GMDS: variants seen among roughly 807,000 people sequenced by gnomAD.
The protein encoded by GMDS is GDP-mannose 4,6-dehydratase.
Under a neutral mutation model 49.9 loss-of-function variants are expected in GMDS, and 20 were observed. That is an observed-to-expected ratio of 0.40 (90% CI 0.28 to 0.58). The LOEUF (loss-of-function observed/expected upper bound fraction) is 0.58, where lower values mean the gene tolerates loss of function less well. Ranked by LOEUF, GMDS falls within the 20% of genes least tolerant of loss-of-function variation. The pLI is 0.42. For synonymous variants in GMDS, 177 were observed against 178.6 expected (o/e 0.99, Z 0.07); for missense variants, 362 against 481.4 (o/e 0.75, Z 2.32).
chr6:2,164,977 G>C (rs1477825006), intron 1 of GMDS, among the ~76,000 whole-genome samples: 2 of 152,166 alleles, frequency 1.3e-5, no homozygotes, highest in African/African-American at 2.4e-5. Flanking sequence ...TGCTTTAAGT[G>C]GTTGGTTAGG....
chr6:1,921,192 C>T (rs1761698008), intron 7 of GMDS, among the ~76,000 whole-genome samples: 1 of 152,216 alleles, frequency 6.6e-6, no homozygotes, highest in Non-Finnish European at 1.5e-5. Context: ...ATCCTCTCTC[C>T]ATACATACCC....
intron 4 of GMDS, among the ~76,000 whole-genome samples, chr6:2,042,776 A>G (rs1276733549): frequency 2.0e-5 from 3 of 152,174 alleles, no homozygotes; most frequent in African/African-American, 4.8e-5. Flanking sequence ...ATGAAACTTA[A>G]TATTTTTTAA....
At chr6:2,228,613 C>G (rs1191350065) in intron 1 of GMDS, among the ~76,000 whole-genome samples, 6 of 152,312 alleles carry the variant, frequency 3.9e-5, no homozygotes, top group South Asian at 2.1e-4. Context: ...CCAAAGAAAA[C>G]TTGGAAATCA....
rs1762770614 is a variant in GMDS at position 1,624,103 on chromosome 6, G to A, written c.*66C>T. 1 of 1,421,336 alleles carries A rather than the reference G, an allele frequency of 7.0e-7. No individual in the cohort carries two copies. The highest frequency in any genetic ancestry group is 9.8e-7 in the Non-Finnish European group (1 of 1,020,020). The allele number at this position is 1,421,336 out of a possible 1,614,324, so 88.0% of individuals were successfully genotyped here. A position where few individuals can be genotyped will look rare whatever the true frequency, so the allele number is the denominator to read the frequency against. On this transcript the variant is annotated 3_prime_UTR_variant, in exon 11 of 11. Coordinates refer to ENST00000380815, the MANE Select transcript of GMDS (RefSeq NM_001500.4). Reference sequence around the variant, plus strand: ...TGGCACGCCGCTCCCCATCCCCGCAGCGCGTCTGCACCGGAGACTCTGCGG... The same window carrying A: ...TGGCACGCCGCTCCCCATCCCCGCAACGCGTCTGCACCGGAGACTCTGCGG...
At chr6:1,674,124 C>A in intron 9 of GMDS, among the ~76,000 whole-genome samples, 1 of 147,346 alleles carries the variant, frequency 6.8e-6, no homozygotes, top group Non-Finnish European at 1.5e-5. Context: ...AGTGTCTAAA[C>A]CTTTTGCATT....
chr6:2,109,616 G>C (rs1365025390), intron 4 of GMDS, among the ~76,000 whole-genome samples: 1 of 152,206 alleles, frequency 6.6e-6, no homozygotes, highest in Non-Finnish European at 1.5e-5. Flanking sequence ...TGTGGACCTG[G>C]ATATGAAGTT....
intron 7 of GMDS, among the ~76,000 whole-genome samples, chr6:1,876,717 T>C (rs1462656219): frequency 2.0e-5 from 3 of 152,240 alleles, no homozygotes; most frequent in Admixed American, 2.0e-4. Context: ...ACAATATAAA[T>C]GCTAGATGTG....
chr6:2,013,395 C>CA (rs1450531170), intron 4 of GMDS, among the ~76,000 whole-genome samples: 3 of 151,046 alleles, frequency 2.0e-5, no homozygotes, highest in South Asian at 2.1e-4. Context: ...CAGCTTTCAA[C>CA]AAAAAAAATG....
chr6:1,767,526 TTC>T (rs1230871629), intron 7 of GMDS, among the ~76,000 whole-genome samples: 1 of 152,244 alleles, frequency 6.6e-6, no homozygotes, highest in Admixed American at 6.5e-5. Flanking sequence ...CCTTGAATTC[TTC>T]TCTGAGCTGC....
At chr6:1,656,436 T>C (rs890937736) in intron 9 of GMDS, among the ~76,000 whole-genome samples, 17 of 152,162 alleles carry the variant, frequency 1.1e-4, no homozygotes, top group African/African-American at 4.1e-4. Flanking sequence ...GTAGGATTGA[T>C]ATGATTGTTG....
At chr6:1,691,339 C>T (rs1298753320) in intron 9 of GMDS, among the ~76,000 whole-genome samples, 1 of 151,584 alleles carries the variant, frequency 6.6e-6, no homozygotes, top group Non-Finnish European at 1.5e-5. Flanking sequence ...GAGGGGCACA[C>T]ACACTGGGGC....
intron 4 of GMDS, among the ~76,000 whole-genome samples, chr6:2,063,836 G>A (rs1015522330): frequency 2.6e-5 from 4 of 152,196 alleles, no homozygotes; most frequent in Admixed American, 6.5e-5. Context: ...TGTCAAATGT[G>A]GAGTGAGAAC....
At chr6:1,893,398 G>C (rs1475474483) in intron 7 of GMDS, among the ~76,000 whole-genome samples, 1 of 151,876 alleles carries the variant, frequency 6.6e-6, no homozygotes, top group African/African-American at 2.4e-5. Flanking sequence ...CACCATGTTG[G>C]CCAGGCTGGT....
intron 8 of GMDS, among the ~76,000 whole-genome samples, chr6:1,736,775 A>AG (rs1767014825): frequency 6.6e-6 from 1 of 152,234 alleles, no homozygotes; most frequent in Non-Finnish European, 1.5e-5. Context: ...GCCCCTACAT[A>AG]GAACCCTTAG....
intron 6 of GMDS, among the ~76,000 whole-genome samples, chr6:1,948,220 C>T (rs547630134): frequency 8.5e-5 from 13 of 152,180 alleles, no homozygotes; most frequent in African/African-American, 2.4e-4. Flanking sequence ...TATATCCTTA[C>T]GTGAACCACT....
At chr6:2,145,398 C>T (rs1309324405) in intron 1 of GMDS, among the ~76,000 whole-genome samples, 3 of 151,790 alleles carry the variant, frequency 2.0e-5, no homozygotes, top group Non-Finnish European at 4.4e-5. Context: ...ATTAGCCGGG[C>T]GTGGTGGTGG....
At chr6:1,678,343 A>G (rs9501758) in intron 9 of GMDS, among the ~76,000 whole-genome samples, 52,674 of 151,932 alleles carry the variant, frequency 0.35, 9,412 homozygotes, top group Middle Eastern at 0.47. Flanking sequence ...CAATGTTCCC[A>G]CCCAATGCTG....
At chr6:2,232,768 G>A (rs1450033767) in intron 1 of GMDS, among the ~76,000 whole-genome samples, 7 of 152,118 alleles carry the variant, frequency 4.6e-5, no homozygotes, top group East Asian at 3.9e-4. Flanking sequence ...CACCAGCGCC[G>A]GTGCAGGACT....
intron 4 of GMDS, among the ~76,000 whole-genome samples, chr6:2,006,168 T>C (rs1767153404): frequency 6.6e-6 from 1 of 151,710 alleles, no homozygotes; most frequent in Non-Finnish European, 1.5e-5. Context: ...ACGCCTGCAA[T>C]CACAGCACTT....
Sources: allele counts gnomAD v4.1 joint callset (sites outside exome capture counted in the v4.1 genomes callset), GRCh38; gene constraint gnomAD v4.1.1; transcripts MANE v1.5; gene names NCBI Gene and HGNC (gene_info 2026-07-23, HGNC 2026-07-21).